Variants in SBF2 observed in about 807,000 individuals in gnomAD.
SBF2 encodes myotubularin-related protein 13.
SBF2 carries 112 observed loss-of-function variants against 225.2 expected under a neutral mutation model. The ratio of observed to expected loss-of-function variants is 0.50; its 90% CI spans 0.43 to 0.58. The LOEUF is 0.58. SBF2 is among the 20% of genes least tolerant of loss of function. SBF2 has a pLI of 0.00. For missense variants in SBF2, 1,996 were observed against 2,206.2 expected (o/e 0.90, Z 1.91); for synonymous variants, 763 against 773.3 (o/e 0.99, Z 0.22).
chr11:9,823,536 T>A (rs1274175048), intron 28 of SBF2, among the ~76,000 whole-genome samples: 1 of 150,742 alleles, frequency 6.6e-6, no homozygotes, highest in Non-Finnish European at 1.5e-5. Context: ...AAGAATTAAA[T>A]GATAGGAGGC....
chr11:9,822,570 T>TA (rs1299611726), intron 28 of SBF2, among the ~76,000 whole-genome samples: 5 of 152,186 alleles, frequency 3.3e-5, no homozygotes, highest in Non-Finnish European at 5.9e-5. Flanking sequence ...ACTAAACTCT[T>TA]AATGTATTGT....
At chr11:9,936,857 A>G in intron 16 of SBF2, among the ~76,000 whole-genome samples, 1 of 152,122 alleles carries the variant, frequency 6.6e-6, no homozygotes, top group Non-Finnish European at 1.5e-5. Context: ...TGTAAATGAC[A>G]AGTTCATAGT....
chr11:10,116,850 T>G (rs1488149772), intron 2 of SBF2, among the ~76,000 whole-genome samples: 1 of 152,198 alleles, frequency 6.6e-6, no homozygotes, highest in East Asian at 1.9e-4. Context: ...AGCTCCTATT[T>G]ATAGCTAGAG....
At chr11:9,906,193 G>A (rs1862102417) in intron 16 of SBF2, among the ~76,000 whole-genome samples, 1 of 152,162 alleles carries the variant, frequency 6.6e-6, no homozygotes, top group Non-Finnish European at 1.5e-5. Flanking sequence ...AGACTGTCAT[G>A]AGGCCCAAGG....
At chr11:10,042,747 AACTC>A in intron 3 of SBF2, 93 bp downstream of exon 3, 1 of 1,293,744 alleles carries the variant, frequency 7.7e-7, no homozygotes, top group Non-Finnish European at 1.1e-6. Flanking sequence ...TAGCCCATAA[AACTC>A]AAACTTGCAG....
intron 32 of SBF2, among the ~76,000 whole-genome samples, chr11:9,802,612 C>T (rs1204167053): frequency 1.3e-5 from 2 of 152,118 alleles, no homozygotes; most frequent in Non-Finnish European, 2.9e-5. Flanking sequence ...TTGTGTGTCC[C>T]TGAGAGACTG....
intron 1 of SBF2, among the ~76,000 whole-genome samples, chr11:10,200,847 T>C (rs1957544225): frequency 6.6e-6 from 1 of 152,204 alleles, no homozygotes; most frequent in African/African-American, 2.4e-5. Flanking sequence ...ATTAAAATAT[T>C]GCTTAAGGAG....
intron 2 of SBF2, among the ~76,000 whole-genome samples, chr11:10,148,500 A>AT (rs77547170): frequency 0.28 from 41,310 of 149,806 alleles, 6,382 homozygotes; most frequent in South Asian, 0.37. Context: ...CTAAATACCT[A>AT]TTTTTTTTTT....
chr11:9,875,556 A>G (rs1035682053), intron 17 of SBF2, among the ~76,000 whole-genome samples: 3 of 152,364 alleles, frequency 2.0e-5, no homozygotes, highest in East Asian at 1.9e-4. Context: ...TTAAGTTTCC[A>G]TAACAGGATA....
intron 16 of SBF2, chr11:9,929,015 T>A (rs976991682): frequency 2.1e-5 from 10 of 483,942 alleles, no homozygotes; most frequent in Non-Finnish European, 3.2e-5. Context: ...GAACTGCTAA[T>A]GAACATACAG....
chr11:9,929,154 G>A (rs1864286426), intron 16 of SBF2: 1 of 233,848 alleles, frequency 4.3e-6, no homozygotes, highest in Non-Finnish European at 8.3e-6. Context: ...AACTACACGA[G>A]AAGGTGCCGA....
chr11:10,090,764 C>CAAAAAAAA (rs201577494), intron 2 of SBF2, among the ~76,000 whole-genome samples: 603 of 44,342 alleles, frequency 0.014, 60 homozygotes, highest in African/African-American at 0.037. Flanking sequence ...GATTCCATCT[C>CAAAAAAAA]AAAAAAAAAA....
At chr11:10,049,036 C>A (rs1949971734) in intron 2 of SBF2, among the ~76,000 whole-genome samples, 1 of 152,180 alleles carries the variant, frequency 6.6e-6, no homozygotes, top group Non-Finnish European at 1.5e-5. Flanking sequence ...ATACTCCTTC[C>A]TCTTCCAATG....
At chr11:9,809,039 G>T in intron 30 of SBF2, 37 bp from the exon 31 acceptor site, 1 of 1,525,080 alleles carries the variant, frequency 6.6e-7, no homozygotes, top group Non-Finnish European at 9.1e-7. Context: ...TAGACCAAGC[G>T]CTTTCTGAGT....
intron 14 of SBF2, among the ~76,000 whole-genome samples, chr11:9,967,858 T>C (rs1276637884): frequency 6.6e-6 from 1 of 150,778 alleles, no homozygotes; most frequent in Non-Finnish European, 1.5e-5. Context: ...GAAGTTACGG[T>C]GAGCCGAGAT....
intron 28 of SBF2, 125 bp downstream of exon 28, chr11:9,829,231 T>A: frequency 9.1e-7 from 1 of 1,102,442 alleles, no homozygotes; most frequent in Non-Finnish European, 1.4e-6. Flanking sequence ...CCCTTCAGGG[T>A]AAAACTTTTA....
intron 1 of SBF2, among the ~76,000 whole-genome samples, chr11:10,241,918 T>C (rs1337489892): frequency 3.3e-5 from 5 of 151,968 alleles, no homozygotes; most frequent in African/African-American, 1.2e-4. Flanking sequence ...GGTGAGTGTC[T>C]ACCTTTGCCA....
At chr11:10,085,952 A>C (rs927919952) in intron 2 of SBF2, among the ~76,000 whole-genome samples, 3 of 148,568 alleles carry the variant, frequency 2.0e-5, no homozygotes, top group African/African-American at 7.4e-5. Context: ...ATAGTATGTC[A>C]GCTGTCCTTC....
chr11:9,952,820 A>G lies in SBF2; in HGVS notation c.1860+9137T>C, dbSNP rs904344296. Among the ~76,000 whole-genome samples the G allele has an allele frequency of 2.0e-4, 31 of 152,210 alleles. 1 individual carries two copies. Among genetic ancestry groups the G allele is most frequent in the African/African-American group, 2.4e-4 (10 of 41,446 alleles). On this transcript the variant is annotated intron_variant, in intron 16 of 39. Coordinates refer to ENST00000256190, the MANE Select transcript of SBF2 (RefSeq NM_030962.4). The stretch of plus-strand genomic sequence containing the variant: ...TTCAAAATCACAGGCTCTTTCCTGC[A>G]TATCAAAACCACAATATGATACCAC...
Sources: allele counts gnomAD v4.1 joint callset (sites outside exome capture counted in the v4.1 genomes callset), GRCh38; gene constraint gnomAD v4.1.1; transcripts MANE v1.5; gene names NCBI Gene and HGNC (gene_info 2026-07-23, HGNC 2026-07-21).